The following LHFPL3 variants were observed in gnomAD, a reference collection of about 807,000 sequenced individuals.
The protein encoded by LHFPL3 is LHFPL tetraspan subfamily member 3.
In LHFPL3, 5 loss-of-function variants were observed where a neutral mutation model predicts 19.3. The observed-to-expected ratio is 0.26, with a 90% confidence interval of 0.14 to 0.54. The LOEUF (loss-of-function observed/expected upper bound fraction) is 0.54. Among genes scored for constraint, LHFPL3 ranks in the 20% least tolerant of loss-of-function variants. The pLI is 0.94. For missense variants in LHFPL3, 249 were observed against 307.4 expected (o/e 0.81, Z 1.42); for synonymous variants, 133 against 126.2 (o/e 1.05, Z -0.36).
intron 1 of LHFPL3, among the ~76,000 whole-genome samples, chr7:104,371,895 G>A (rs1790623527): frequency 6.6e-6 from 1 of 152,204 alleles, no homozygotes; most frequent in Non-Finnish European, 1.5e-5. Flanking sequence ...TTCCCTGGCA[G>A]ATTTATTCAC....
intron 1 of LHFPL3, among the ~76,000 whole-genome samples, chr7:104,574,042 A>T (rs1790278983): frequency 6.6e-6 from 1 of 152,202 alleles, no homozygotes; most frequent in African/African-American, 2.4e-5. Context: ...GCTAAATCCG[A>T]TCTCTTGATT....
intron 2 of LHFPL3, among the ~76,000 whole-genome samples, chr7:104,836,648 G>A (rs993259459): frequency 3.3e-5 from 5 of 152,184 alleles, no homozygotes; most frequent in African/African-American, 1.2e-4. Context: ...TGCCATGAAG[G>A]TTGGGTCCTA....
chr7:104,907,836 A>G lies in LHFPL3; in HGVS notation c.*1621A>G, dbSNP rs896277008. ...TGTTTCTGGTACGGGCCATCTTTTC[A>G]CCATAAATGGCATTATGTTTCAAAT... On this transcript the variant is annotated 3_prime_UTR_variant, in exon 3 of 3. Coordinates refer to ENST00000424859, the MANE Select transcript of LHFPL3 (RefSeq NM_199000.3). Among the ~76,000 whole-genome samples the G allele has an allele frequency of 1.3e-5, 2 of 152,150 alleles. No homozygotes were observed. Among genetic ancestry groups the G allele is most frequent in the Non-Finnish European group, 2.9e-5 (2 of 68,024 alleles).
intron 1 of LHFPL3, among the ~76,000 whole-genome samples, chr7:104,453,870 A>C (rs1017581114): frequency 2.8e-4 from 43 of 152,074 alleles, no homozygotes; most frequent in African/African-American, 9.4e-4. Context: ...CTGCTCCCCC[A>C]TCGCCTTCCA....
At chr7:104,547,461 A>G (rs1419133373) in intron 1 of LHFPL3, among the ~76,000 whole-genome samples, 2 of 152,154 alleles carry the variant, frequency 1.3e-5, no homozygotes, top group Admixed American at 6.5e-5. Context: ...GACCACGAGA[A>G]TTATAGAGTA....
rs71153193 is a variant in LHFPL3, at chr7:104,396,642, G to GA, written c.445+67433dup. ...TGCCATGAAATATGGTACAAAATTA[G>GA]AAAAAAAAAAAAAAAGATAAAAAGT... On this transcript the variant is annotated intron_variant, in intron 1 of 2. Transcript: ENST00000424859. 6.1e-3 allele frequency among the ~76,000 whole-genome samples: 841 copies of GA among 137,460 alleles called. 5 individuals carry two copies. The highest frequency in any genetic ancestry group is 0.021 in the South Asian group (91 of 4,382). 90.2% of individuals were successfully genotyped at this position (137,460 alleles called of 152,430 possible).
chr7:104,527,408 C>T (rs547845990), intron 1 of LHFPL3, among the ~76,000 whole-genome samples: 29 of 152,100 alleles, frequency 1.9e-4, no homozygotes, highest in African/African-American at 6.5e-4. Flanking sequence ...TGTGTTCTTA[C>T]GTGGGAGCAG....
At chr7:104,729,875 C>T (rs934969532) in intron 1 of LHFPL3, among the ~76,000 whole-genome samples, 1 of 152,056 alleles carries the variant, frequency 6.6e-6, no homozygotes, top group Non-Finnish European at 1.5e-5. Flanking sequence ...AGGTATATCT[C>T]CTAATGCTAT....
intron 2 of LHFPL3, chr7:104,826,751 T>A (rs1790827131): frequency 6.3e-6 from 1 of 158,720 alleles, no homozygotes; most frequent in Non-Finnish European, 1.4e-5. Context: ...GGACCCATAA[T>A]CTCAAACCCT....
chr7:104,810,605 T>C (rs1036588756), intron 2 of LHFPL3, among the ~76,000 whole-genome samples: 8 of 152,130 alleles, frequency 5.3e-5, no homozygotes, highest in Non-Finnish European at 1.0e-4. Flanking sequence ...AGGAAAGGCA[T>C]GTGTTTCTTT....
chr7:104,667,264 T>TGTG (rs56664847), intron 1 of LHFPL3, among the ~76,000 whole-genome samples: 2,074 of 148,006 alleles, frequency 0.014, 48 homozygotes, highest in African/African-American at 0.04. Context: ...TCTGTTTTCT[T>TGTG]GGGGGGGGGA....
At chr7:104,603,496 G>A (rs1447268597) in intron 1 of LHFPL3, among the ~76,000 whole-genome samples, 1 of 152,092 alleles carries the variant, frequency 6.6e-6, no homozygotes, top group Admixed American at 6.6e-5. Context: ...TTTTATCCCA[G>A]TAGCCCCAAA....
At chr7:104,475,808 A>T (rs1792999196) in intron 1 of LHFPL3, among the ~76,000 whole-genome samples, 1 of 152,216 alleles carries the variant, frequency 6.6e-6, no homozygotes, top group Admixed American at 6.5e-5. Flanking sequence ...ATTTCGGGGA[A>T]GGCTTGTTTA....
At chr7:104,383,944 T>C (rs977226789) in intron 1 of LHFPL3, among the ~76,000 whole-genome samples, 1 of 152,198 alleles carries the variant, frequency 6.6e-6, no homozygotes, top group Non-Finnish European at 1.5e-5. Context: ...TTCCCTCAGC[T>C]CTCAAGAGAA....
At chr7:104,497,575 C>T (rs1793509225) in intron 1 of LHFPL3, among the ~76,000 whole-genome samples, 1 of 151,332 alleles carries the variant, frequency 6.6e-6, no homozygotes, top group Admixed American at 6.6e-5. Context: ...TCTCATTTCT[C>T]TTCTGCTGTT....
intron 1 of LHFPL3, among the ~76,000 whole-genome samples, chr7:104,338,164 T>C (rs1479899000): frequency 7.3e-6 from 1 of 137,228 alleles, no homozygotes; most frequent in African/African-American, 2.7e-5. Flanking sequence ...AGTGGCGCGA[T>C]CTCAGCCCAC....
chr7:104,423,369 A>G (rs547339354), intron 1 of LHFPL3, among the ~76,000 whole-genome samples: 186 of 152,232 alleles, frequency 1.2e-3, no homozygotes, highest in Non-Finnish European at 1.5e-3. Context: ...TCCCAGCACT[A>G]TGGAAGGCCA....
chr7:104,557,698 T>G (rs1170203487), intron 1 of LHFPL3, among the ~76,000 whole-genome samples: 1 of 152,062 alleles, frequency 6.6e-6, no homozygotes, highest in African/African-American at 2.4e-5. Flanking sequence ...TTTATTATAC[T>G]TTAAGTTTTA....
intron 1 of LHFPL3, among the ~76,000 whole-genome samples, chr7:104,435,716 T>C (rs1010236391): frequency 4.6e-5 from 7 of 152,116 alleles, no homozygotes; most frequent in Admixed American, 4.6e-4. Flanking sequence ...TTTTTTAAGT[T>C]CACCTCAAGA....
Sources: allele counts gnomAD v4.1 joint callset (sites outside exome capture counted in the v4.1 genomes callset), GRCh38; gene constraint gnomAD v4.1.1; transcripts MANE v1.5; gene names NCBI Gene and HGNC (gene_info 2026-07-23, HGNC 2026-07-21).